FGF10: variants seen among roughly 807,000 people sequenced by gnomAD.
FGF10 encodes the protein fibroblast growth factor 10.
FGF10 carries 2 observed loss-of-function variants against 19.8 expected under a neutral mutation model. The observed-to-expected ratio is 0.10, with a 90% CI of 0.04 to 0.32. The LOEUF (loss-of-function observed/expected upper bound fraction) is 0.32. FGF10 is among the 10% of genes least tolerant of loss of function. The probability of loss-of-function intolerance (pLI) is 1.00; values close to 1 mark genes in which losing one functional copy is unlikely to be tolerated. For synonymous variants in FGF10, 112 were observed against 94.0 expected, an observed-to-expected ratio of 1.19 and a Z score of -1.10; for missense variants, 191 against 246.3, an observed-to-expected ratio of 0.78 and a Z score of 1.50.
intron 1 of FGF10, among the ~76,000 whole-genome samples, chr5:44,323,346 AG>A (rs1740540756): frequency 6.6e-6 from 1 of 152,212 alleles, no homozygotes; most frequent in Non-Finnish European, 1.5e-5. Context: ...ATTAGTTTAA[AG>A]GGTTTTCCTG....
intron 1 of FGF10, among the ~76,000 whole-genome samples, chr5:44,348,089 A>G (rs538136963): frequency 1.1e-4 from 16 of 151,694 alleles, no homozygotes; most frequent in Non-Finnish European, 2.2e-4. Context: ...GATGGTTAAC[A>G]GAAGCTCCTG....
chr5:44,381,428 G>A (rs919953722), intron 1 of FGF10, among the ~76,000 whole-genome samples: 3 of 151,984 alleles, frequency 2.0e-5, no homozygotes, highest in Admixed American at 6.5e-5. Flanking sequence ...CTTTCCCTGG[G>A]CTTAAAGGTA....
intron 1 of FGF10, among the ~76,000 whole-genome samples, chr5:44,330,892 G>C (rs1343525154): frequency 6.6e-6 from 1 of 152,008 alleles, no homozygotes; most frequent in Non-Finnish European, 1.5e-5. Flanking sequence ...TGAGATTATT[G>C]ACTGTTTGCT....
intron 1 of FGF10, among the ~76,000 whole-genome samples, chr5:44,328,708 G>A (rs1740667009): frequency 6.6e-6 from 1 of 152,202 alleles, no homozygotes; most frequent in Non-Finnish European, 1.5e-5. Context: ...GCTGCAGTGA[G>A]CTGTGATTGC....
chr5:44,315,161 C>G (rs1740307137), intron 1 of FGF10, among the ~76,000 whole-genome samples: 1 of 134,996 alleles, frequency 7.4e-6, no homozygotes, highest in Non-Finnish European at 1.6e-5. Flanking sequence ...AAAATAAAGA[C>G]CCAAATAAGT....
chr5:44,329,542 A>T (rs1230020688), intron 1 of FGF10, among the ~76,000 whole-genome samples: 1 of 152,088 alleles, frequency 6.6e-6, no homozygotes, highest in Non-Finnish European at 1.5e-5. Context: ...ATAGTTTCTT[A>T]ACTTGGCATC....
intron 1 of FGF10, among the ~76,000 whole-genome samples, chr5:44,349,453 T>TATATATCAGA (rs1554038152): frequency 4.8e-3 from 110 of 23,064 alleles, no homozygotes; most frequent in African/African-American, 6.4e-3. Flanking sequence ...TATATATATA[T>TATATATCAGA]ATATATATAT....
At chr5:44,353,151 T>C (rs1741272587) in intron 1 of FGF10, among the ~76,000 whole-genome samples, 1 of 151,596 alleles carries the variant, frequency 6.6e-6, no homozygotes, top group Non-Finnish European at 1.5e-5. Context: ...GAACAGTGTC[T>C]TGTGAACACT....
At chr5:44,340,057 G>C (rs1740934715) in intron 1 of FGF10, among the ~76,000 whole-genome samples, 1 of 152,116 alleles carries the variant, frequency 6.6e-6, no homozygotes, top group Non-Finnish European at 1.5e-5. Context: ...GTGACCACTT[G>C]CCACTACTAA....
chr5:44,302,051 G>A lies in FGF10; in HGVS notation c.*2944C>T, dbSNP rs536475082. Among the ~76,000 whole-genome samples the A allele has an allele frequency of 1.8e-4, 27 of 151,722 alleles. No homozygotes were observed. In the South Asian group the frequency reaches 5.4e-3, roughly 31 times the overall value. On this transcript the variant is annotated 3_prime_UTR_variant, in exon 3 of 3. Coordinates refer to ENST00000264664, the MANE Select transcript of FGF10 (RefSeq NM_004465.2). ...GTGGGCCTGGGACCATACTCCTACA[G>A]AGGCAGATCTCTCAATAGCTCCAAT... is the stretch of plus-strand genomic sequence containing the variant.
At chr5:44,352,229 T>C (rs913087301) in intron 1 of FGF10, among the ~76,000 whole-genome samples, 37 of 151,620 alleles carry the variant, frequency 2.4e-4, no homozygotes, top group African/African-American at 8.7e-4. Context: ...GGACTTTCGA[T>C]GCAATTCTTT....
In FGF10 at chr5:44,301,365, G is replaced by T. The variant is rs1225782526; in HGVS notation, c.*3630C>A. ...AATAATCACAAACCTTGAATTGGCA[G>T]CATCCAAATTATTAGAACTGTGCAG... On this transcript the variant is annotated 3_prime_UTR_variant, in exon 3 of 3. Transcript: ENST00000264664. Among the ~76,000 whole-genome samples the T allele has an allele frequency of 6.6e-6, 1 of 152,116 alleles. No individual in the cohort carries two copies. Among genetic ancestry groups the T allele is most frequent in the Non-Finnish European group, 1.5e-5 (1 of 68,014 alleles).
At chr5:44,345,909 T>A (rs1027628759) in intron 1 of FGF10, among the ~76,000 whole-genome samples, 1 of 151,884 alleles carries the variant, frequency 6.6e-6, no homozygotes, top group African/African-American at 2.4e-5. Context: ...CAGGCCTAAG[T>A]GTTCTATGCT....
At chr5:44,366,346 T>C (rs1259390393) in intron 1 of FGF10, among the ~76,000 whole-genome samples, 1 of 151,876 alleles carries the variant, frequency 6.6e-6, no homozygotes, top group Admixed American at 6.6e-5. Flanking sequence ...AAAGGCATCC[T>C]GCATTTTCAC....
At chr5:44,378,938 CTG>C (rs1741928828) in intron 1 of FGF10, among the ~76,000 whole-genome samples, 1 of 152,144 alleles carries the variant, frequency 6.6e-6, no homozygotes, top group African/African-American at 2.4e-5. Flanking sequence ...CACCATTAAG[CTG>C]TGTGTGTGTC....
chr5:44,325,496 CAAT>C (rs1269668717), intron 1 of FGF10, among the ~76,000 whole-genome samples: 1 of 151,984 alleles, frequency 6.6e-6, no homozygotes, highest in African/African-American at 2.4e-5. Flanking sequence ...AAATGTCCAA[CAAT>C]GATAGACTGG....
intron 1 of FGF10, among the ~76,000 whole-genome samples, chr5:44,332,731 A>T (rs1740763884): frequency 6.6e-6 from 1 of 152,144 alleles, no homozygotes; most frequent in African/African-American, 2.4e-5. Flanking sequence ...GAGTAGCATG[A>T]GTTTAAGTGA....
At chr5:44,365,874 A>G (rs984355586) in intron 1 of FGF10, among the ~76,000 whole-genome samples, 1 of 151,990 alleles carries the variant, frequency 6.6e-6, no homozygotes, top group South Asian at 2.1e-4. Context: ...CTCTTCCTTC[A>G]AAGTACAAAA....
At chr5:44,376,505 A>AAAAC (rs1741863126) in intron 1 of FGF10, among the ~76,000 whole-genome samples, 2 of 144,946 alleles carry the variant, frequency 1.4e-5, no homozygotes, top group Non-Finnish European at 3.0e-5. Flanking sequence ...AAAAAAAAAA[A>AAAAC]AAAAAAAAAA....
Sources: allele counts gnomAD v4.1 joint callset (sites outside exome capture counted in the v4.1 genomes callset), GRCh38; gene constraint gnomAD v4.1.1; transcripts MANE v1.5; gene names NCBI Gene and HGNC (gene_info 2026-07-23, HGNC 2026-07-21).